ARHGAP26: variants seen among roughly 807,000 people sequenced by gnomAD.
ARHGAP26 encodes the protein Rho GTPase activating protein 26.
Under a neutral mutation model 104.8 loss-of-function variants are expected in ARHGAP26, and 38 were observed. The ratio of observed to expected loss-of-function variants is 0.36; its 90% CI spans 0.28 to 0.48. The LOEUF (loss-of-function observed/expected upper bound fraction) is 0.48, where lower values mean the gene tolerates loss of function less well. Ranked by LOEUF, ARHGAP26 falls within the 20% of genes least tolerant of loss-of-function variation. The pLI, the probability that ARHGAP26 is intolerant of heterozygous loss-of-function variation, is 0.99. For synonymous variants in ARHGAP26, 341 were observed against 340.0 expected, an observed-to-expected ratio of 1.00 and a Z score of -0.03; for missense variants, 704 against 947.9, an observed-to-expected ratio of 0.74 and a Z score of 3.38.
intron 1 of ARHGAP26, among the ~76,000 whole-genome samples, chr5:142,848,194 G>A (rs1234530109): frequency 4.6e-5 from 7 of 152,198 alleles, no homozygotes; most frequent in Non-Finnish European, 1.0e-4. Context: ...CAAAAGGCTA[G>A]CTCTCTCAGC....
intron 11 of ARHGAP26, 34 bp from the exon 12 acceptor site, chr5:143,014,046 T>C: frequency 6.2e-7 from 1 of 1,611,552 alleles, no homozygotes; most frequent in Non-Finnish European, 8.5e-7. Context: ...TGGCATAAAA[T>C]GCACATAAGT....
intron 11 of ARHGAP26, among the ~76,000 whole-genome samples, chr5:142,972,588 A>G (rs76676503): frequency 0.029 from 4,421 of 152,294 alleles, 88 homozygotes; most frequent in South Asian, 0.056. Context: ...ACATATATGT[A>G]GTAAAGCAGT....
At chr5:143,025,056 G>A (rs924017256) in intron 12 of ARHGAP26, among the ~76,000 whole-genome samples, 3 of 152,030 alleles carry the variant, frequency 2.0e-5, no homozygotes, top group East Asian at 1.9e-4. Context: ...TGGTATTATC[G>A]GCAATGATTA....
intron 17 of ARHGAP26, among the ~76,000 whole-genome samples, chr5:143,066,871 C>G (rs1020420460): frequency 6.6e-6 from 1 of 152,206 alleles, no homozygotes; most frequent in African/African-American, 2.4e-5. Flanking sequence ...AAGAGCTGTT[C>G]ATATCTGGTT....
intron 1 of ARHGAP26, among the ~76,000 whole-genome samples, chr5:142,872,338 C>G (rs553297418): frequency 5.5e-4 from 84 of 152,286 alleles, no homozygotes; most frequent in Non-Finnish European, 1.1e-3. Context: ...TACACCCCCC[C>G]ACCACCCATA....
intron 1 of ARHGAP26, among the ~76,000 whole-genome samples, chr5:142,817,533 G>C (rs1765370071): frequency 6.6e-6 from 1 of 152,204 alleles, no homozygotes; most frequent in Non-Finnish European, 1.5e-5. Context: ...TAAGAGGGCT[G>C]TTGGTGGCCT....
chr5:142,773,210 T>A (rs1159564482), intron 1 of ARHGAP26, among the ~76,000 whole-genome samples: 1 of 152,216 alleles, frequency 6.6e-6, no homozygotes, highest in Non-Finnish European at 1.5e-5. Flanking sequence ...TCTTCAGTCA[T>A]GTTTATTATA....
chr5:143,122,400 G>A (rs1796244735), intron 18 of ARHGAP26, among the ~76,000 whole-genome samples: 1 of 152,138 alleles, frequency 6.6e-6, no homozygotes. Flanking sequence ...CTTCCTTCAA[G>A]TGTACTAAGT....
At chr5:143,172,644 A>G (rs1023071728) in intron 20 of ARHGAP26, among the ~76,000 whole-genome samples, 40 of 152,324 alleles carry the variant, frequency 2.6e-4, no homozygotes, top group South Asian at 8.3e-4. Flanking sequence ...TTGATTAAAT[A>G]CAGAGTCTGA....
intron 11 of ARHGAP26, among the ~76,000 whole-genome samples, chr5:142,977,670 T>C (rs1773319260): frequency 6.6e-6 from 1 of 152,184 alleles, no homozygotes; most frequent in Non-Finnish European, 1.5e-5. Context: ...TAGAAGTTGC[T>C]AGCCATCTCC....
chr5:143,029,957 G>A (rs1349637909), intron 12 of ARHGAP26, among the ~76,000 whole-genome samples: 2 of 152,130 alleles, frequency 1.3e-5, no homozygotes, highest in African/African-American at 4.8e-5. Context: ...CCTCCCCAGG[G>A]TTTGGTTAGA....
At chr5:143,103,726 G>T (rs777531263) in intron 17 of ARHGAP26, among the ~76,000 whole-genome samples, 24 of 152,248 alleles carry the variant, frequency 1.6e-4, no homozygotes, top group Non-Finnish European at 2.9e-4. Context: ...GTTCTCACTC[G>T]TAAGTGGGAG....
rs368203796 is a variant in ARHGAP26 at position 143,016,757 on chromosome 5, TG to T, written c.1144+2642del. Reference sequence around the variant, plus strand: ...TTTCAGGAGTCATTTAAATAGGAATTGTTTTTTTAGGGTATTGATTGATTTC... The same window carrying T: ...TTTCAGGAGTCATTTAAATAGGAATTTTTTTTTAGGGTATTGATTGATTTC... On this transcript the variant is annotated intron_variant, in intron 12 of 22. Transcript: ENST00000645722. 1.9e-3 allele frequency among the ~76,000 whole-genome samples: 294 copies of T among 151,566 alleles called. 2 individuals carry two copies. The highest frequency in any genetic ancestry group is 6.1e-3 in the African/African-American group (252 of 41,344).
At chr5:142,890,855 G>C (rs913784069) in intron 5 of ARHGAP26, among the ~76,000 whole-genome samples, 4 of 152,238 alleles carry the variant, frequency 2.6e-5, no homozygotes, top group African/African-American at 9.6e-5. Flanking sequence ...AATGACTTGA[G>C]CAGGTCTCAC....
chr5:143,067,715 T>C (rs905475999), intron 17 of ARHGAP26, among the ~76,000 whole-genome samples: 12 of 152,246 alleles, frequency 7.9e-5, no homozygotes, highest in African/African-American at 2.9e-4. Context: ...TCTTGCTATG[T>C]ACTTGGAGAT....
At chr5:143,141,527 T>C (rs1211127933) in intron 19 of ARHGAP26, among the ~76,000 whole-genome samples, 3 of 152,224 alleles carry the variant, frequency 2.0e-5, no homozygotes, top group Non-Finnish European at 4.4e-5. Flanking sequence ...TCTTATATAT[T>C]CACTTGGTTT....
At position 143,037,273 on chromosome 5, in the gene ARHGAP26, T is replaced by A. The variant is rs1782804532; in HGVS notation, c.1210+12T>A. 6.3e-7 allele frequency: 1 copy of A among 1,587,426 alleles called. No homozygotes were observed. ...TGTGGAAACCAGAGGTAAAGTAGTT[T>A]AACAGATGGCATTGTTCTCATAGAA... On this transcript the variant is annotated intron_variant, in intron 13 of 22. Coordinates refer to ENST00000645722, the MANE Select transcript of ARHGAP26 (RefSeq NM_001135608.3).
At chr5:143,029,575 T>C (rs1317804559) in intron 12 of ARHGAP26, among the ~76,000 whole-genome samples, 1 of 151,848 alleles carries the variant, frequency 6.6e-6, no homozygotes, top group Non-Finnish European at 1.5e-5. Flanking sequence ...CAGCAAATTT[T>C]TTTTTAACCT....
At chr5:143,040,176 A>C (rs1405127508) in intron 13 of ARHGAP26, among the ~76,000 whole-genome samples, 1 of 152,218 alleles carries the variant, frequency 6.6e-6, no homozygotes, top group African/African-American at 2.4e-5. Context: ...TACTGAATCA[A>C]GTTTCTGCCA....
Sources: allele counts gnomAD v4.1 joint callset (sites outside exome capture counted in the v4.1 genomes callset), GRCh38; gene constraint gnomAD v4.1.1; transcripts MANE v1.5; gene names NCBI Gene and HGNC (gene_info 2026-07-23, HGNC 2026-07-21).